Variants in ACOT1 observed in about 807,000 individuals in gnomAD.
The protein encoded by ACOT1 is acyl-CoA thioesterase 1, also known as acyl-coenzyme A thioesterase 1.
In ACOT1, 8 loss-of-function variants were observed where a neutral mutation model predicts 15.7. The observed-to-expected ratio is 0.51, with a 90% confidence interval of 0.30 to 0.92. The LOEUF (loss-of-function observed/expected upper bound fraction) is 0.92. ACOT1 is among the 40% of genes least tolerant of loss of function. The pLI is 0.06. For missense variants in ACOT1, 151 were observed against 539.4 expected (o/e 0.28, Z 7.13); for synonymous variants, 67 against 241.2 (o/e 0.28, Z 6.69).
chr14:73,522,759 TG>T, the ACOT1 span: 2 of 1,614,012 alleles, frequency 1.2e-6, no homozygotes, highest in Non-Finnish European at 1.7e-6. Context: ...GCCAGGGAGG[TG>T]TCTCCTGTTA....
chr14:73,495,799 C>A, the ACOT1 span, among the ~76,000 whole-genome samples: 3 of 152,134 alleles, frequency 2.0e-5, no homozygotes, highest in African/African-American at 2.4e-5. Flanking sequence ...CCTTTCCCCT[C>A]TATTCCTTCA....
At chr14:73,509,182 TC>T in the ACOT1 span, 1 of 919,386 alleles carries the variant, frequency 1.1e-6, no homozygotes, top group African/African-American at 1.6e-5. Context: ...TTTCAAATGG[TC>T]TAACATAAAT....
chr14:73,530,579 C>T, the ACOT1 span: 1 of 122,100 alleles, frequency 8.2e-6, no homozygotes, highest in Non-Finnish European at 1.8e-5. Context: ...AGCTATACAG[C>T]TGTCTCCAGA....
At chr14:73,508,909 C>T in the ACOT1 span, among the ~76,000 whole-genome samples, 49 of 151,922 alleles carry the variant, frequency 3.2e-4, no homozygotes, top group African/African-American at 1.1e-3. Flanking sequence ...ACAGTGGCAC[C>T]ATTGTGGCTT....
chr14:73,493,027 C>G, the ACOT1 span: 47 of 1,564,632 alleles, frequency 3.0e-5, no homozygotes, highest in Non-Finnish European at 3.7e-5. Flanking sequence ...CTTAAACTCA[C>G]GTTCTTACCT....
At chr14:73,491,070 G>C in the ACOT1 span, 1 of 1,594,700 alleles carries the variant, frequency 6.3e-7, no homozygotes, top group Non-Finnish European at 8.5e-7. Context: ...CGGCCGAAGC[G>C]CCGGCGCAAG....
upstream of ACOT1, among the ~76,000 whole-genome samples, chr14:73,536,524 A>G (rs1295411259): frequency 1.9e-5 from 2 of 102,590 alleles, no homozygotes; most frequent in African/African-American, 6.1e-5. Context: ...TTTAAAAAAA[A>G]AAAAAAAAAA....
chr14:73,503,007 T>C, the ACOT1 span: 22 of 1,610,248 alleles, frequency 1.4e-5, no homozygotes, highest in African/African-American at 2.8e-4. Context: ...AACTTATGTT[T>C]CATATCCTAT....
At chr14:73,491,553 C>A in the ACOT1 span, 6 of 1,535,862 alleles carry the variant, frequency 3.9e-6, no homozygotes, top group Non-Finnish European at 5.2e-6. Flanking sequence ...GGTGGGGAGC[C>A]GGCCTGGGAC....
At chr14:73,493,235 CTGA>C in the ACOT1 span, 1 of 836,460 alleles carries the variant, frequency 1.2e-6, no homozygotes, top group South Asian at 1.5e-5. Flanking sequence ...CTGGGTAACA[CTGA>C]CCATGTCGTT....
chr14:73,503,812 A>T, the ACOT1 span, among the ~76,000 whole-genome samples: 1 of 152,120 alleles, frequency 6.6e-6, no homozygotes, highest in East Asian at 1.9e-4. Context: ...AGTGCGTCGG[A>T]TGTGGTCAGA....
chr14:73,509,811 C>CATATATATAT, the ACOT1 span, among the ~76,000 whole-genome samples: 8 of 19,494 alleles, frequency 4.1e-4, 2 homozygotes, highest in Non-Finnish European at 5.4e-4. Flanking sequence ...CCCATGAGCC[C>CATATATATAT]ATATATATAT....
chr14:73,504,046 G>C, the ACOT1 span, among the ~76,000 whole-genome samples: 1 of 151,622 alleles, frequency 6.6e-6, no homozygotes, highest in Non-Finnish European at 1.5e-5. Context: ...GATTCTGATT[G>C]AGCTGGCTTA....
chr14:73,507,038 G>A, the ACOT1 span, among the ~76,000 whole-genome samples: 2 of 151,528 alleles, frequency 1.3e-5, no homozygotes, highest in Non-Finnish European at 2.9e-5. Context: ...CCTGACCTCA[G>A]GTGATCTGCC....
chr14:73,493,550 ACT>A, the ACOT1 span, among the ~76,000 whole-genome samples: 2 of 151,960 alleles, frequency 1.3e-5, no homozygotes, highest in Admixed American at 6.6e-5. Flanking sequence ...TAAGGAAGAG[ACT>A]CTCAGGCTGG....
At chr14:73,534,274 G>C (rs1888794358), upstream of ACOT1, among the ~76,000 whole-genome samples, 1 of 110,622 alleles carries the variant, frequency 9.0e-6, no homozygotes, top group Middle Eastern at 4.9e-3. Flanking sequence ...AGCTACTCAA[G>C]AGGCTGAGGC....
the ACOT1 span, chr14:73,491,666 C>T: frequency 1.3e-6 from 2 of 1,550,046 alleles, no homozygotes; most frequent in African/African-American, 1.4e-5. Context: ...GCCGCCAGAT[C>T]ACTTTTACCG....
At chr14:73,496,572 T>G in the ACOT1 span, 1 of 1,451,902 alleles carries the variant, frequency 6.9e-7, no homozygotes, top group Middle Eastern at 1.7e-4. Flanking sequence ...CTGAATTTTC[T>G]CTTGAGAACA....
At chr14:73,490,974 T>A in the ACOT1 span, 1 of 1,314,782 alleles carries the variant, frequency 7.6e-7, no homozygotes, top group Non-Finnish European at 9.7e-7. Context: ...CGCTTTAGCT[T>A]CGCCCCCGGC....
Sources: allele counts gnomAD v4.1 joint callset (sites outside exome capture counted in the v4.1 genomes callset), GRCh38; gene constraint gnomAD v4.1.1; transcripts MANE v1.5; gene names NCBI Gene and HGNC (gene_info 2026-07-23, HGNC 2026-07-21).